Variants in TSPAN9 observed in about 807,000 individuals in gnomAD.
TSPAN9 encodes the protein tetraspanin 9.
TSPAN9 carries 16 observed loss-of-function variants against 31.0 expected under a neutral mutation model. That is an observed-to-expected ratio of 0.52 (90% CI 0.35 to 0.78). The LOEUF is 0.78. TSPAN9 is among the 30% of genes least tolerant of loss of function. The probability of loss-of-function intolerance (pLI) is 0.01; values close to 1 mark genes in which losing one functional copy is unlikely to be tolerated. For synonymous variants in TSPAN9, 145 were observed against 121.6 expected (o/e 1.19, Z -1.27); for missense variants, 272 against 312.5 (o/e 0.87, Z 0.98).
intron 3 of TSPAN9, among the ~76,000 whole-genome samples, chr12:3,219,723 A>AGG (rs1010866930): frequency 3.9e-5 from 6 of 151,982 alleles, no homozygotes; most frequent in African/African-American, 1.4e-4. Flanking sequence ...GTGAGGAGCT[A>AGG]GGGGAGGGAT....
At chr12:3,249,647 C>T (rs904082315) in intron 3 of TSPAN9, among the ~76,000 whole-genome samples, 1 of 152,212 alleles carries the variant, frequency 6.6e-6, no homozygotes, top group Admixed American at 6.5e-5. Context: ...TCTCCGAGCA[C>T]CTCCATATAG....
intron 2 of TSPAN9, among the ~76,000 whole-genome samples, chr12:3,123,889 T>C (rs1021176005): frequency 1.3e-5 from 2 of 152,064 alleles, no homozygotes; most frequent in Admixed American, 6.6e-5. Context: ...AAAAATAGTT[T>C]GAGAACTGTT....
chr12:3,082,091 T>A (rs1418076727), intron 1 of TSPAN9, among the ~76,000 whole-genome samples: 1 of 152,058 alleles, frequency 6.6e-6, no homozygotes, highest in Non-Finnish European at 1.5e-5. Context: ...AGTAAAGAGT[T>A]GAGAAATGGG....
At chr12:3,121,899 A>G (rs1269285446) in intron 2 of TSPAN9, among the ~76,000 whole-genome samples, 2 of 152,142 alleles carry the variant, frequency 1.3e-5, no homozygotes, top group Non-Finnish European at 2.9e-5. Context: ...ACCTTGACTG[A>G]AGGCTGTGAT....
chr12:3,232,002 G>A (rs778475171), intron 3 of TSPAN9, among the ~76,000 whole-genome samples: 9 of 152,226 alleles, frequency 5.9e-5, no homozygotes, highest in Non-Finnish European at 1.3e-4. Context: ...TGCCCTTGGA[G>A]GGATTAAGAG....
chr12:3,205,725 C>CCG (rs1485109328), intron 3 of TSPAN9, among the ~76,000 whole-genome samples: 1 of 102,198 alleles, frequency 9.8e-6, no homozygotes, highest in Non-Finnish European at 2.3e-5. Flanking sequence ...TAGGCCCCCC[C>CCG]CCCCCAGAGT....
At chr12:3,224,933 A>G (rs112080280) in intron 3 of TSPAN9, among the ~76,000 whole-genome samples, 54 of 152,188 alleles carry the variant, frequency 3.5e-4, no homozygotes, top group African/African-American at 1.1e-3. Flanking sequence ...CCACGCTCCC[A>G]TGGCTCATCC....
chr12:3,148,965 C>T (rs2098338631), intron 2 of TSPAN9, among the ~76,000 whole-genome samples: 1 of 152,146 alleles, frequency 6.6e-6, no homozygotes. Context: ...TCTCCAGTTG[C>T]TGAGGGAAGA....
intron 3 of TSPAN9, among the ~76,000 whole-genome samples, chr12:3,274,299 T>C (rs1244556704): frequency 2.0e-5 from 3 of 152,192 alleles, no homozygotes; most frequent in Non-Finnish European, 4.4e-5. Flanking sequence ...CGGCTAAGAC[T>C]GCGCCAGAGG....
chr12:3,105,796 G>A (rs1322391463), intron 2 of TSPAN9, among the ~76,000 whole-genome samples: 8 of 130,178 alleles, frequency 6.1e-5, no homozygotes, highest in Non-Finnish European at 8.4e-5. Context: ...ACACACTCAC[G>A]CACACATGCG....
chr12:3,247,527 G>A (rs182756100), intron 3 of TSPAN9, among the ~76,000 whole-genome samples: 31 of 152,298 alleles, frequency 2.0e-4, no homozygotes, highest in Admixed American at 1.8e-3. Flanking sequence ...AGACATGGGC[G>A]AGGGAAGACA....
intron 2 of TSPAN9, among the ~76,000 whole-genome samples, chr12:3,095,911 A>G (rs1294463219): frequency 5.2e-4 from 70 of 134,116 alleles, no homozygotes; most frequent in Middle Eastern, 8.3e-3. Flanking sequence ...AGGCAGAGAC[A>G]CTCCTCACTT....
chr12:3,218,175 C>T (rs2098382367), intron 3 of TSPAN9, among the ~76,000 whole-genome samples: 1 of 152,142 alleles, frequency 6.6e-6, no homozygotes, highest in South Asian at 2.1e-4. Flanking sequence ...CTGGTTTTCT[C>T]TAGGCTTTGT....
chr12:3,081,844 G>GTGTGTGTGTGTGTGTA (rs57812985), intron 1 of TSPAN9, among the ~76,000 whole-genome samples: 75 of 116,766 alleles, frequency 6.4e-4, no homozygotes, highest in Middle Eastern at 4.7e-3. Flanking sequence ...GTCTGTGTGT[G>GTGTGTGTGTGTGTGTA]TATATATATG....
intron 2 of TSPAN9, among the ~76,000 whole-genome samples, chr12:3,189,748 C>T (rs2098363328): frequency 6.6e-6 from 1 of 152,156 alleles, no homozygotes; most frequent in Non-Finnish European, 1.5e-5. Flanking sequence ...CAGTGGGAGG[C>T]ACCTTGAATG....
intron 3 of TSPAN9, among the ~76,000 whole-genome samples, chr12:3,217,466 C>G (rs1369282018): frequency 1.3e-5 from 2 of 150,482 alleles, no homozygotes; most frequent in African/African-American, 2.5e-5. Flanking sequence ...TGAGCCACTC[C>G]TTCTCTTCTG....
At chr12:3,241,012 A>G (rs2098396306) in intron 3 of TSPAN9, among the ~76,000 whole-genome samples, 1 of 152,218 alleles carries the variant, frequency 6.6e-6, no homozygotes, top group African/African-American at 2.4e-5. Context: ...GGAGCTTTCT[A>G]CTACAGCACT....
chr12:3,281,460 A>G lies in TSPAN9; in HGVS notation c.564+131A>G. ...GAATGTGGCGGTGGGGGGCTCACAA[A>G]AATAAAGCCAAAAGACAGGTGGAAA... On this transcript the variant is annotated intron_variant, in intron 7 of 8. Transcript: ENST00000011898. 3 of 1,258,944 alleles carry G rather than the reference A, an allele frequency of 2.4e-6. No homozygotes were observed. In the South Asian group the frequency reaches 4.7e-5, roughly 20 times the overall value. The allele number at this position is 1,258,944 out of a possible 1,614,324, so 78.0% of individuals were successfully genotyped here.
intron 2 of TSPAN9, among the ~76,000 whole-genome samples, chr12:3,088,160 A>G (rs2098301638): frequency 6.6e-6 from 1 of 152,238 alleles, no homozygotes; most frequent in Admixed American, 6.5e-5. Flanking sequence ...AATGAGGTAG[A>G]GGTCTGGGCT....
Sources: allele counts gnomAD v4.1 joint callset (sites outside exome capture counted in the v4.1 genomes callset), GRCh38; gene constraint gnomAD v4.1.1; transcripts MANE v1.5; gene names NCBI Gene and HGNC (gene_info 2026-07-23, HGNC 2026-07-21).